Variants in GALNT9 observed in about 807,000 individuals in gnomAD.
GALNT9 encodes polypeptide N-acetylgalactosaminyltransferase 9.
A neutral mutation model predicts 63.1 loss-of-function variants in GALNT9; 47 were observed. The ratio of observed to expected loss-of-function variants is 0.75; its 90% CI spans 0.59 to 0.95. The LOEUF (loss-of-function observed/expected upper bound fraction) is 0.95, where lower values mean the gene tolerates loss of function less well. GALNT9 is among the 40% of genes least tolerant of loss of function. The pLI, the probability that GALNT9 is intolerant of heterozygous loss-of-function variation, is 0.00. For missense variants in GALNT9, 829 were observed against 874.8 expected (o/e 0.95, Z 0.66); for synonymous variants, 396 against 365.7 (o/e 1.08, Z -0.94).
chr12:132,317,384 G>A (rs1325534857), intron 1 of GALNT9, among the ~76,000 whole-genome samples: 9 of 152,142 alleles, frequency 5.9e-5, no homozygotes, highest in African/African-American at 1.4e-4. Flanking sequence ...CCTTCCACTC[G>A]CGTCCTCACA....
At chr12:132,207,462 C>T (rs762021794) in intron 6 of GALNT9, among the ~76,000 whole-genome samples, 3 of 152,234 alleles carry the variant, frequency 2.0e-5, no homozygotes, top group Non-Finnish European at 2.9e-5. Flanking sequence ...GACTGCTGGG[C>T]GGTCTGCGAG....
intron 1 of GALNT9, among the ~76,000 whole-genome samples, chr12:132,324,081 T>C (rs1327664254): frequency 2.0e-5 from 3 of 152,228 alleles, no homozygotes; most frequent in African/African-American, 7.2e-5. Flanking sequence ...CACAAATGAA[T>C]AGGAAAAGCT....
intron 1 of GALNT9, among the ~76,000 whole-genome samples, chr12:132,289,773 A>C (rs1880738600): frequency 6.6e-6 from 1 of 152,210 alleles, no homozygotes; most frequent in South Asian, 2.1e-4. Flanking sequence ...GTCTGTGCTT[A>C]AGAGAACCAA....
chr12:132,217,642 C>G (rs2135518026), intron 6 of GALNT9, among the ~76,000 whole-genome samples: 1 of 150,624 alleles, frequency 6.6e-6, no homozygotes, highest in African/African-American at 2.4e-5. Flanking sequence ...CCATCCCATC[C>G]ACCCACTCAT....
At chr12:132,247,575 G>A (rs1555238080) in intron 6 of GALNT9, 1 of 511,662 alleles carries the variant, frequency 2.0e-6, no homozygotes, top group African/African-American at 1.9e-5. Flanking sequence ...CTAGACCATG[G>A]CTGCACTCGC....
intron 6 of GALNT9, among the ~76,000 whole-genome samples, chr12:132,216,935 G>A (rs904792821): frequency 6.6e-6 from 1 of 152,218 alleles, no homozygotes; most frequent in Admixed American, 6.5e-5. Flanking sequence ...GCTGTGTGAC[G>A]AACTGTGTGT....
intron 2 of GALNT9, chr12:132,283,500 C>G (rs1161751491): frequency 6.6e-6 from 1 of 152,638 alleles, no homozygotes; most frequent in African/African-American, 2.4e-5. Flanking sequence ...GCCCCGGAAC[C>G]TCCTGCCGGA....
chr12:132,258,658 G>A (rs1464188435), intron 4 of GALNT9, among the ~76,000 whole-genome samples: 1 of 152,234 alleles, frequency 6.6e-6, no homozygotes, highest in Non-Finnish European at 1.5e-5. Flanking sequence ...TGGCCAGGAG[G>A]CCGGACAGAG....
rs1555245650 is a variant in GALNT9, at chr12:132,315,927, C to T, written c.238+13039G>A. Among the ~76,000 whole-genome samples the T allele has an allele frequency of 2.0e-5, 3 of 152,172 alleles. No homozygotes were observed. Among genetic ancestry groups the T allele is most frequent in the East Asian group, 1.9e-4 (1 of 5,204 alleles). On this transcript the variant is annotated intron_variant, in intron 1 of 10. Transcript: ENST00000328957. This position sits in a 1 kb window ranked among gnomAD's most constrained non-coding sequence, Gnocchi z 6.1. ...AATGGGGACTTGGAGCATGAGAAAG[C>T]GGACAGCCTCTGGCCCTGAGAACAG...
At chr12:132,243,465 C>G (rs73488335) in intron 6 of GALNT9, among the ~76,000 whole-genome samples, 1 of 142,668 alleles carries the variant, frequency 7.0e-6, no homozygotes, top group Admixed American at 7.0e-5. Flanking sequence ...CCCACCTGGC[C>G]GACCTGAAGG....
intron 1 of GALNT9, among the ~76,000 whole-genome samples, chr12:132,291,602 CACCCACCTCCACA>C (rs1555242776): frequency 3.0e-5 from 3 of 99,318 alleles, no homozygotes; most frequent in African/African-American, 9.3e-5. Flanking sequence ...ACATCCACAC[CACCCACCTCCACA>C]GCACCCACGT....
In GALNT9 at chr12:132,196,586, C is replaced by T; in HGVS notation, c.*521G>A. ...CCTAGACACGGCCTCAGGTTTGTCG[C>T]TGTCCATGTCCTCCAGCACCCCTCT... On this transcript the variant is annotated 3_prime_UTR_variant, in exon 11 of 11. Coordinates refer to ENST00000328957, the MANE Select transcript of GALNT9 (RefSeq NM_001122636.2). 1 of 986,986 alleles carries T rather than the reference C, an allele frequency of 1.0e-6. No homozygotes were observed. The highest frequency in any genetic ancestry group is 1.2e-6 in the Non-Finnish European group (1 of 831,054). 61.1% of individuals were successfully genotyped at this position (986,986 alleles called of 1,614,324 possible). A position where few individuals can be genotyped will look rare whatever the true frequency, so the allele number is the denominator to read the frequency against.
At chr12:132,276,939 TG>T in intron 2 of GALNT9, among the ~76,000 whole-genome samples, 1 of 152,046 alleles carries the variant, frequency 6.6e-6, no homozygotes, top group African/African-American at 2.4e-5. Flanking sequence ...CACACATCTG[TG>T]GACACACACA....
chr12:132,298,721 C>A (rs947246245), intron 1 of GALNT9, among the ~76,000 whole-genome samples: 1 of 149,754 alleles, frequency 6.7e-6, no homozygotes, highest in African/African-American at 2.5e-5. Flanking sequence ...GCTGAGATAA[C>A]CCACTCCCAT....
chr12:132,230,602 G>A (rs1010587065), intron 6 of GALNT9, among the ~76,000 whole-genome samples: 122 of 149,444 alleles, frequency 8.2e-4, no homozygotes, highest in African/African-American at 3.1e-3. Flanking sequence ...TGGCCCTCGT[G>A]GCGGGGAAGT....
rs546291059 is a variant in GALNT9, at chr12:132,217,311, A to T, written c.1078-13621T>A. On this transcript the variant is annotated intron_variant, in intron 6 of 10. Coordinates refer to ENST00000328957, the MANE Select transcript of GALNT9 (RefSeq NM_001122636.2). ...CATCCAGCCAGCCAGCCATCAATCC[A>T]TCCATTCACCCATCCATCCACCCAC... 1.2e-3 allele frequency among the ~76,000 whole-genome samples: 172 copies of T among 145,744 alleles called. 1 individual carries two copies. Among genetic ancestry groups the T allele is most frequent in the African/African-American group, 4.3e-3 (167 of 38,792 alleles).
At chr12:132,309,749 T>G (rs1881746679) in intron 1 of GALNT9, among the ~76,000 whole-genome samples, 2 of 152,120 alleles carry the variant, frequency 1.3e-5, no homozygotes, top group Non-Finnish European at 2.9e-5. Context: ...TAAGTCTCCA[T>G]TGTGTACAGC....
chr12:132,253,002 G>A (rs1878983961), intron 5 of GALNT9, among the ~76,000 whole-genome samples: 2 of 152,178 alleles, frequency 1.3e-5, no homozygotes, highest in African/African-American at 4.8e-5. Context: ...GATTGACAAG[G>A]TGAAGCAAGT....
chr12:132,264,499 T>C (rs782235129), intron 2 of GALNT9, among the ~76,000 whole-genome samples: 4 of 152,216 alleles, frequency 2.6e-5, no homozygotes, highest in Non-Finnish European at 5.9e-5. Flanking sequence ...TGCCTGCCTC[T>C]CTTGGCTCCA....
Sources: allele counts gnomAD v4.1 joint callset (sites outside exome capture counted in the v4.1 genomes callset), GRCh38; gene constraint gnomAD v4.1.1; non-coding constraint Gnocchi (gnomAD v3.1); transcripts MANE v1.5; gene names NCBI Gene and HGNC (gene_info 2026-07-23, HGNC 2026-07-21).